The following GALNT7 variants were observed in gnomAD, a reference collection of about 807,000 sequenced individuals.
GALNT7 encodes the protein polypeptide N-acetylgalactosaminyltransferase 7.
Under a neutral mutation model 82.1 loss-of-function variants are expected in GALNT7, and 60 were observed. The observed-to-expected ratio is 0.73, with a 90% CI of 0.59 to 0.91. The LOEUF is 0.91. Ranked by LOEUF, GALNT7 falls within the 40% of genes least tolerant of loss-of-function variation. The probability of loss-of-function intolerance (pLI) is 0.00; values close to 1 mark genes in which losing one functional copy is unlikely to be tolerated. For synonymous variants in GALNT7, 243 were observed against 275.1 expected, an observed-to-expected ratio of 0.88 and a Z score of 1.15; for missense variants, 660 against 804.2, an observed-to-expected ratio of 0.82 and a Z score of 2.17.
At position 173,321,258 on chromosome 4, in the gene GALNT7, G is replaced by A. The variant is rs1737804665; in HGVS notation, c.1837-322G>A. Reference sequence around the variant, plus strand: ...AGTGCAGTATTTCCTAAGGACTAGAGAGCTGGGAATGTCATTAGCCAGGAT... The same window carrying A: ...AGTGCAGTATTTCCTAAGGACTAGAAAGCTGGGAATGTCATTAGCCAGGAT... On this transcript the variant is annotated intron_variant, in intron 11 of 11. Coordinates refer to ENST00000265000, the MANE Select transcript of GALNT7 (RefSeq NM_017423.3). 2.0e-5 allele frequency among the ~76,000 whole-genome samples: 3 copies of A among 152,252 alleles called. No homozygotes were observed. The South Asian group carries it at 6.2e-4, about 32-fold the overall frequency.
At chr4:173,283,320 C>G (rs1398562620) in intron 2 of GALNT7, among the ~76,000 whole-genome samples, 1 of 152,136 alleles carries the variant, frequency 6.6e-6, no homozygotes, top group African/African-American at 2.4e-5. Context: ...TTTGATGGAA[C>G]TTTGTTCCAC....
chr4:173,310,399 CCTCAAATCT>C (rs1167305553), intron 8 of GALNT7, among the ~76,000 whole-genome samples: 1 of 152,026 alleles, frequency 6.6e-6, no homozygotes, highest in East Asian at 1.9e-4. Flanking sequence ...TAGTGCAGCC[CCTCAAATCT>C]CTCCCATGAA....
chr4:173,220,471 C>G (rs776021576), intron 1 of GALNT7, among the ~76,000 whole-genome samples: 8 of 151,880 alleles, frequency 5.3e-5, no homozygotes, highest in Non-Finnish European at 1.0e-4. Context: ...ATTGGCTATG[C>G]GAGCTCTTTT....
chr4:173,194,443 C>T (rs1022927615), intron 1 of GALNT7, among the ~76,000 whole-genome samples: 3 of 152,176 alleles, frequency 2.0e-5, no homozygotes, highest in African/African-American at 7.2e-5. Flanking sequence ...AACACGTCCA[C>T]ATTTGCAGTA....
chr4:173,296,790 C>G (rs1013013564), intron 5 of GALNT7, among the ~76,000 whole-genome samples: 2 of 152,162 alleles, frequency 1.3e-5, no homozygotes, highest in African/African-American at 4.8e-5. Context: ...TACCAGCAGG[C>G]TTCTGGGCAG....
At chr4:173,275,683 C>T (rs534419370) in intron 2 of GALNT7, among the ~76,000 whole-genome samples, 86 of 152,202 alleles carry the variant, frequency 5.7e-4, no homozygotes, top group Non-Finnish European at 1.1e-3. Context: ...CAATGGTCCA[C>T]TTTCCTCCAA....
intron 2 of GALNT7, chr4:173,268,179 C>G (rs749495982): frequency 6.5e-6 from 1 of 154,528 alleles, no homozygotes; most frequent in Non-Finnish European, 1.5e-5. Context: ...CAAAAGTGAT[C>G]GTGGTTTTTG....
intron 1 of GALNT7, among the ~76,000 whole-genome samples, chr4:173,232,604 A>G (rs145090332): frequency 3.2e-4 from 49 of 152,010 alleles, no homozygotes; most frequent in African/African-American, 9.4e-4. Context: ...TGCTGATTTA[A>G]AAAAAATTTT....
chr4:173,248,249 C>T lies in GALNT7; in HGVS notation c.396C>T (p.Leu132=), dbSNP rs374470385. 7.4e-6 allele frequency: 12 copies of T among 1,613,784 alleles called. No homozygotes were observed. The highest frequency in any genetic ancestry group is 1.3e-5 in the African/African-American group (1 of 74,900). The change falls in exon 2 of 12, where the codon CTC becomes CTT. Residue 132 remains leucine (L), a synonymous_variant. Transcript: ENST00000265000. The part of the protein sequence containing the change: ...YHDPVLRPGI[L]GNFEPKEPEP... ...ATCCTGTGCTTCGCCCAGGGATCCT[C>T]GGTAACTTTGAACCCAAAGAACCTG...
chr4:173,267,232 C>A (rs1735536032), intron 2 of GALNT7, among the ~76,000 whole-genome samples: 1 of 151,916 alleles, frequency 6.6e-6, no homozygotes, highest in Non-Finnish European at 1.5e-5. Context: ...TTTTAAAAGC[C>A]ACCTTAGTAT....
At chr4:173,280,534 A>G (rs550906334) in intron 2 of GALNT7, among the ~76,000 whole-genome samples, 39 of 152,332 alleles carry the variant, frequency 2.6e-4, no homozygotes, top group Admixed American at 1.0e-3. Flanking sequence ...AATTACTCTA[A>G]GAATAACTCT....
chr4:173,192,337 T>C (rs1561148425), intron 1 of GALNT7, among the ~76,000 whole-genome samples: 1 of 152,192 alleles, frequency 6.6e-6, no homozygotes, highest in Non-Finnish European at 1.5e-5. Context: ...TTTCTGTACT[T>C]CAGCCATATT....
At chr4:173,215,801 C>T (rs9995556) in intron 1 of GALNT7, among the ~76,000 whole-genome samples, 107,874 of 152,100 alleles carry the variant, frequency 0.71, 39,881 homozygotes, top group East Asian at 0.88. Flanking sequence ...TTTACAAATA[C>T]TCAGACCTTC....
intron 2 of GALNT7, among the ~76,000 whole-genome samples, chr4:173,288,284 A>C: frequency 2.3e-5 from 1 of 44,144 alleles, no homozygotes; most frequent in South Asian, 6.6e-4. Flanking sequence ...CTCCATCTCA[A>C]AAAAAAAAAA....
rs553860357 is a variant in GALNT7 at position 173,314,249 on chromosome 4, T to C, written c.1608+73T>C. The C allele has an allele frequency of 7.3e-4, 728 of 998,930 alleles. 1 individual carries two copies. Among genetic ancestry groups the C allele is most frequent in the Middle Eastern group, 2.5e-3 (12 of 4,804 alleles). 61.9% of individuals were successfully genotyped at this position (998,930 alleles called of 1,614,324 possible). ...GAGAAGGCAGAGAGAGGTGGAAATA[T>C]GTAAGAGGGAAGTATTCTTGGGGAA... On this transcript the variant is annotated intron_variant, in intron 9 of 11. Transcript: ENST00000265000.
At chr4:173,194,791 T>TC (rs1561149340) in intron 1 of GALNT7, among the ~76,000 whole-genome samples, 1 of 151,972 alleles carries the variant, frequency 6.6e-6, no homozygotes, top group Non-Finnish European at 1.5e-5. Context: ...CCTCCCCGCT[T>TC]CCCCCACCCC....
rs1055926119 is a variant in GALNT7 at position 173,313,928 on chromosome 4, G to A, written c.1390-30G>A. 152 of 943,738 alleles carry A rather than the reference G, an allele frequency of 1.6e-4. 1 individual carries two copies. In the East Asian group the frequency reaches 4.3e-3, roughly 27 times the overall value. 58.5% of individuals were successfully genotyped at this position (943,738 alleles called of 1,614,324 possible). ...GATATGACATTTGTATTTTTATAAC[G>A]ATATATATATATATATTTTTTTTTT... On this transcript the variant is annotated intron_variant, in intron 8 of 11. Coordinates refer to ENST00000265000, the MANE Select transcript of GALNT7 (RefSeq NM_017423.3).
At chr4:173,244,010 A>G (rs1000692621) in intron 1 of GALNT7, among the ~76,000 whole-genome samples, 2 of 152,346 alleles carry the variant, frequency 1.3e-5, no homozygotes, top group East Asian at 3.9e-4. Context: ...GGTGCGTACG[A>G]TGGACATAGC....
intron 2 of GALNT7, among the ~76,000 whole-genome samples, chr4:173,265,342 A>G (rs1184926065): frequency 6.6e-6 from 1 of 152,152 alleles, no homozygotes; most frequent in Non-Finnish European, 1.5e-5. Flanking sequence ...AGAGCCAGCT[A>G]CTGTTTGGTG....
Sources: allele counts gnomAD v4.1 joint callset (sites outside exome capture counted in the v4.1 genomes callset), GRCh38; gene constraint gnomAD v4.1.1; transcripts MANE v1.5; gene names NCBI Gene and HGNC (gene_info 2026-07-23, HGNC 2026-07-21).